The following ZNF516 variants were observed in gnomAD, a reference collection of about 807,000 sequenced individuals.
The protein encoded by ZNF516 is zinc finger protein 516.
ZNF516 carries 19 observed loss-of-function variants against 79.7 expected under a neutral mutation model. The ratio of observed to expected loss-of-function variants is 0.24; its 90% CI spans 0.17 to 0.35. The LOEUF (loss-of-function observed/expected upper bound fraction) is 0.35. ZNF516 is among the 10% of genes least tolerant of loss of function. ZNF516 has a pLI of 1.00. For synonymous variants in ZNF516, 877 were observed against 739.5 expected (o/e 1.19, Z -3.02); for missense variants, 1,678 against 1,679.5 (o/e 1.00, Z 0.02).
At chr18:76,396,678 C>A (rs2145184607) in intron 3 of ZNF516, among the ~76,000 whole-genome samples, 1 of 152,162 alleles carries the variant, frequency 6.6e-6, no homozygotes, top group Non-Finnish European at 1.5e-5. Flanking sequence ...GAGACTAAGA[C>A]AAAACTACAT....
At chr18:76,492,953 C>A in intron 1 of ZNF516, 1 of 985,628 alleles carries the variant, frequency 1.0e-6, no homozygotes, top group South Asian at 4.7e-5. Context: ...TCACAGTGTG[C>A]AGACACATGG....
intron 2 of ZNF516, among the ~76,000 whole-genome samples, chr18:76,458,957 CTGAG>C (rs771035895): frequency 2.9e-4 from 44 of 152,324 alleles, no homozygotes; most frequent in South Asian, 1.9e-3. Context: ...ATGAGAGAGA[CTGAG>C]TGTCATGTGT....
intron 3 of ZNF516, among the ~76,000 whole-genome samples, chr18:76,439,227 G>A (rs1033185888): frequency 6.6e-6 from 1 of 152,196 alleles, no homozygotes; most frequent in Non-Finnish European, 1.5e-5. Context: ...GAATATCCAT[G>A]AATTAGTAAT....
intron 2 of ZNF516, among the ~76,000 whole-genome samples, chr18:76,446,706 G>A (rs1912071822): frequency 6.6e-6 from 1 of 152,216 alleles, no homozygotes; most frequent in Non-Finnish European, 1.5e-5. Flanking sequence ...AGACGTTCAA[G>A]GAGCAGCATC....
At chr18:76,369,713 C>G (rs1379119478) in intron 6 of ZNF516, among the ~76,000 whole-genome samples, 1 of 152,284 alleles carries the variant, frequency 6.6e-6, no homozygotes, top group Admixed American at 6.5e-5. Flanking sequence ...ACCACCCAGA[C>G]ACGGCTTGAC....
upstream of ZNF516, chr18:76,495,766 A>T (rs1339779254): frequency 1.7e-6 from 2 of 1,150,668 alleles, no homozygotes; most frequent in Non-Finnish European, 2.2e-6. Context: ...TGAAATGGGG[A>T]CACCCCTTCG....
At position 76,442,905 on chromosome 18, in the gene ZNF516, C is replaced by A; in HGVS notation, c.150G>T (p.Ser50=). 1.2e-6 allele frequency: 2 copies of A among 1,613,392 alleles called. No individual in the cohort carries two copies. The highest frequency in any genetic ancestry group is 8.5e-7 in the Non-Finnish European group (1 of 1,179,822). ...GKSFPFQSSL[S]QHMRKHTGEK... ...CGCCCGTGTGCTTGCGCATGTGCTG[C>A]GAAAGCGAGCTCTGGAAGGGGAAGC... The change falls in exon 3 of 7, where the codon TCG becomes TCT. Residue 50 remains serine, a synonymous_variant. Transcript: ENST00000443185.
At chr18:76,415,676 C>T (rs1209640386) in intron 3 of ZNF516, among the ~76,000 whole-genome samples, 1 of 152,080 alleles carries the variant, frequency 6.6e-6, no homozygotes, top group Non-Finnish European at 1.5e-5. Context: ...TACCTCCTGC[C>T]CAGGAAAGAA....
At chr18:76,471,745 T>G (rs1300235833) in intron 1 of ZNF516, among the ~76,000 whole-genome samples, 1 of 152,046 alleles carries the variant, frequency 6.6e-6, no homozygotes, top group Non-Finnish European at 1.5e-5. Flanking sequence ...CAGCATGCAG[T>G]CATGCTGCCA....
intron 1 of ZNF516, among the ~76,000 whole-genome samples, chr18:76,477,219 T>C (rs1914224237): frequency 6.6e-6 from 1 of 152,242 alleles, no homozygotes; most frequent in Non-Finnish European, 1.5e-5. Context: ...TGAACACTGA[T>C]ACTGCAATTC....
chr18:76,385,416 G>A (rs188433369), intron 3 of ZNF516, among the ~76,000 whole-genome samples: 4 of 152,324 alleles, frequency 2.6e-5, no homozygotes, highest in East Asian at 1.9e-4. Context: ...ACAGAAATGC[G>A]GTGAGGGCAC....
chr18:76,431,109 G>A (rs1032084150), intron 3 of ZNF516, among the ~76,000 whole-genome samples: 1 of 152,138 alleles, frequency 6.6e-6, no homozygotes, highest in South Asian at 2.1e-4. Context: ...TGCAAATACT[G>A]GATCCTATCA....
Position 76,360,676 on chromosome 18 carries a change from T to C in ZNF516, c.*1822A>G, listed in dbSNP as rs2074522620. On this transcript the variant is annotated 3_prime_UTR_variant, in exon 7 of 7. Coordinates refer to ENST00000443185, the MANE Select transcript of ZNF516 (RefSeq NM_014643.4). ...ATATATATATATATATATATATATATATAAGCTAGCCAGTTACATTGCATC... is the reference window on the plus strand; with the variant it reads ...ATATATATATATATATATATATATACATAAGCTAGCCAGTTACATTGCATC... 1 of 113,258 alleles carries C rather than the reference T, an allele frequency of 8.8e-6. No homozygotes were observed. The highest frequency in any genetic ancestry group is 3.0e-5 in the African/African-American group (1 of 33,326). 7.0% of individuals were successfully genotyped at this position (113,258 alleles called of 1,614,324 possible).
Position 76,464,778 on chromosome 18 carries a change from G to C in ZNF516, c.-271-1637C>G, listed in dbSNP as rs895037395. Among the ~76,000 whole-genome samples the C allele has an allele frequency of 1.8e-4, 28 of 151,658 alleles. 1 individual carries two copies. The highest frequency in any genetic ancestry group is 6.8e-4 in the African/African-American group (28 of 40,944). ...CAGGGCCTCTCTGGCACCCCAGCCT[G>C]GCCATCTCACTTATGGAAAGGTTAA... On this transcript the variant is annotated intron_variant, in intron 1 of 6. Coordinates refer to ENST00000443185, the MANE Select transcript of ZNF516 (RefSeq NM_014643.4).
In ZNF516 at chr18:76,467,523, G is replaced by A. The variant is rs573251363; in HGVS notation, c.-271-4382C>T. On this transcript the variant is annotated intron_variant, in intron 1 of 6. Transcript: ENST00000443185. The surrounding 1 kb of genome is among the most constrained non-coding windows in gnomAD (Gnocchi z 4.2). Reference sequence around the variant, plus strand: ...GGAATTACAGCATCCACAGGTGCTGGGCTTTCCTGGAGGCTGCAAGTAAGT... The same window carrying A: ...GGAATTACAGCATCCACAGGTGCTGAGCTTTCCTGGAGGCTGCAAGTAAGT... Among the ~76,000 whole-genome samples, 19 of 152,270 alleles carry A rather than the reference G, an allele frequency of 1.2e-4. No individual in the cohort carries two copies. Among genetic ancestry groups the A allele is most frequent in the African/African-American group, 4.6e-4 (19 of 41,552 alleles).
At position 76,447,308 on chromosome 18, in the gene ZNF516, A is replaced by C. The variant is rs547410641; in HGVS notation, c.-157-4097T>G. 3.3e-5 allele frequency among the ~76,000 whole-genome samples: 5 copies of C among 152,306 alleles called. No individual in the cohort carries two copies. The East Asian group carries it at 7.7e-4, about 24-fold the overall frequency. ...GACGGGCTGTGCTTTAAATCCCGCC[A>C]ACCCCTGTAAGCCAGGAGGGTTTCG... On this transcript the variant is annotated intron_variant, in intron 2 of 6. Coordinates refer to ENST00000443185, the MANE Select transcript of ZNF516 (RefSeq NM_014643.4).
At chr18:76,418,133 C>T (rs1262589431) in intron 3 of ZNF516, among the ~76,000 whole-genome samples, 1 of 152,134 alleles carries the variant, frequency 6.6e-6, no homozygotes, top group Non-Finnish European at 1.5e-5. Context: ...ACACATGCTA[C>T]AACATACACA....
intron 3 of ZNF516, among the ~76,000 whole-genome samples, chr18:76,424,654 AG>A (rs2075565914): frequency 7.3e-6 from 1 of 136,546 alleles, no homozygotes; most frequent in Non-Finnish European, 1.6e-5. Context: ...GCAGGTGAAA[AG>A]GTTCCCCCAT....
At chr18:76,460,243 C>G (rs902399109) in intron 2 of ZNF516, among the ~76,000 whole-genome samples, 12 of 152,214 alleles carry the variant, frequency 7.9e-5, no homozygotes, top group Admixed American at 3.3e-4. Context: ...CAGGGCCCTC[C>G]TCCGTCTCTG....
Sources: gnomAD v4.1 joint callset for allele counts (sites outside exome capture counted in the v4.1 genomes callset) on GRCh38, gnomAD v4.1.1 for gene constraint, Gnocchi (gnomAD v3.1) non-coding constraint, MANE v1.5 for transcripts, NCBI Gene and HGNC (gene_info 2026-07-23, HGNC 2026-07-21) for gene names.